Variants in FBXO4 observed in about 807,000 individuals in gnomAD.
FBXO4 encodes the protein F-box only protein 4.
FBXO4 carries 36 observed loss-of-function variants against 43.7 expected under a neutral mutation model. The observed-to-expected ratio is 0.82, with a 90% CI of 0.63 to 1.09. FBXO4 has a LOEUF of 1.09. Ranked by LOEUF, FBXO4 falls within the 50% of genes least tolerant of loss-of-function variation. FBXO4 has a pLI of 0.00. For synonymous variants in FBXO4, 180 were observed against 165.6 expected (o/e 1.09, Z -0.67); for missense variants, 435 against 474.1 (o/e 0.92, Z 0.77).
At chr5:41,997,042 A>T in the FBXO4 span, among the ~76,000 whole-genome samples, 6 of 152,218 alleles carry the variant, frequency 3.9e-5, no homozygotes, top group Non-Finnish European at 8.8e-5. Flanking sequence ...GAGTTGATAA[A>T]CACCTGAGAT....
chr5:42,038,487 T>C, the FBXO4 span, among the ~76,000 whole-genome samples: 1 of 152,100 alleles, frequency 6.6e-6, no homozygotes, highest in Non-Finnish European at 1.5e-5. Context: ...TTATTATGGG[T>C]ACATGATAGT....
chr5:41,943,390 A>G (rs1752032513), downstream of FBXO4, among the ~76,000 whole-genome samples: 1 of 152,132 alleles, frequency 6.6e-6, no homozygotes, highest in Non-Finnish European at 1.5e-5. Context: ...ACATGGCCAC[A>G]AGTAAGTCCC....
the FBXO4 span, among the ~76,000 whole-genome samples, chr5:42,038,430 A>G: frequency 2.0e-5 from 3 of 152,098 alleles, no homozygotes; most frequent in Non-Finnish European, 4.4e-5. Flanking sequence ...CAGCCATTCC[A>G]GGAACTGGTT....
the FBXO4 span, among the ~76,000 whole-genome samples, chr5:42,032,057 C>CTGTGTGTGTGTGTG: frequency 1.0e-4 from 14 of 139,236 alleles, no homozygotes; most frequent in African/African-American, 2.7e-4. Context: ...GTCTTTTTTT[C>CTGTGTGTGTGTGTG]TGTGTGTGTG....
intron 2 of FBXO4, 76 bp from the exon 3 acceptor site, chr5:41,929,621 C>CA: frequency 9.3e-7 from 1 of 1,080,464 alleles, no homozygotes; most frequent in South Asian, 1.6e-5. Flanking sequence ...AGCAAGTACT[C>CA]AATAAATTAT....
chr5:41,973,304 G>A, the FBXO4 span, among the ~76,000 whole-genome samples: 800 of 152,130 alleles, frequency 5.3e-3, 10 homozygotes, highest in African/African-American at 0.019. Context: ...AGCACCCAAC[G>A]CGCATATTTA....
chr5:42,029,410 C>T, the FBXO4 span, among the ~76,000 whole-genome samples: 13 of 151,922 alleles, frequency 8.6e-5, no homozygotes, highest in East Asian at 1.4e-3. Context: ...TTATTAAATT[C>T]GTTGAGGTGG....
chr5:41,930,913 C>T (rs1318145803), intron 3 of FBXO4, among the ~76,000 whole-genome samples: 5 of 152,190 alleles, frequency 3.3e-5, no homozygotes, highest in Non-Finnish European at 7.4e-5. Flanking sequence ...ACCTGGGTCT[C>T]CCAAAGTGCT....
At chr5:41,987,275 ATC>A in the FBXO4 span, among the ~76,000 whole-genome samples, 4 of 152,176 alleles carry the variant, frequency 2.6e-5, no homozygotes, top group Non-Finnish European at 4.4e-5. Context: ...TAATGCAACC[ATC>A]TCTCTTCCGA....
At chr5:42,028,997 A>G in the FBXO4 span, among the ~76,000 whole-genome samples, 2 of 151,954 alleles carry the variant, frequency 1.3e-5, no homozygotes, top group Admixed American at 1.3e-4. Flanking sequence ...TTAGTGTTAT[A>G]ACAGTTTGTG....
the FBXO4 span, among the ~76,000 whole-genome samples, chr5:41,966,335 A>G: frequency 6.6e-6 from 1 of 152,042 alleles, no homozygotes; most frequent in Non-Finnish European, 1.5e-5. Context: ...TAAAAAAAAG[A>G]TACACCAAAG....
At chr5:42,028,948 C>T in the FBXO4 span, among the ~76,000 whole-genome samples, 2,432 of 151,870 alleles carry the variant, frequency 0.016, 121 homozygotes, top group East Asian at 0.1. Context: ...GTTCAATGTT[C>T]AGTCTTTATA....
chr5:42,029,088 T>C, the FBXO4 span, among the ~76,000 whole-genome samples: 1 of 152,006 alleles, frequency 6.6e-6, no homozygotes, highest in Non-Finnish European at 1.5e-5. Flanking sequence ...TTTTCTTTCT[T>C]ATTGAAGTAC....
At chr5:42,017,789 T>TA in the FBXO4 span, among the ~76,000 whole-genome samples, 1 of 152,048 alleles carries the variant, frequency 6.6e-6, no homozygotes, top group Admixed American at 6.6e-5. Context: ...TTTTTTTTTT[T>TA]ATTGCTGCAT....
chr5:41,987,478 C>T, the FBXO4 span, among the ~76,000 whole-genome samples: 1 of 152,184 alleles, frequency 6.6e-6, no homozygotes, highest in South Asian at 2.1e-4. Flanking sequence ...CACTGAAATA[C>T]CTTAGAAATG....
intron 5 of FBXO4, among the ~76,000 whole-genome samples, chr5:41,935,709 G>A (rs915317119): frequency 6.6e-6 from 1 of 152,218 alleles, no homozygotes; most frequent in African/African-American, 2.4e-5. Flanking sequence ...GCCTGAGGCT[G>A]GAATGAGAAA....
At chr5:41,964,819 C>G in the FBXO4 span, among the ~76,000 whole-genome samples, 1 of 151,904 alleles carries the variant, frequency 6.6e-6, no homozygotes, top group Non-Finnish European at 1.5e-5. Context: ...AAAATTTTCT[C>G]CCATTCTGTA....
In FBXO4 at chr5:41,934,132, G is replaced by T. The variant is rs1751779081; in HGVS notation, c.723-1G>T. ...TTCTGTCTTTACAATTTTTTTTCTA[G>T]AAAGGAAAGAGATAGAGCAAGGGAA... On this transcript the variant is annotated splice_acceptor_variant, in intron 4 of 6. Transcript: ENST00000281623. LOFTEE classifies it high-confidence loss of function. 1 of 1,613,364 alleles carries T rather than the reference G, an allele frequency of 6.2e-7. No individual in the cohort carries two copies. Among genetic ancestry groups the T allele is most frequent in the East Asian group, 2.2e-5 (1 of 44,840 alleles).
chr5:42,008,584 G>C, the FBXO4 span, among the ~76,000 whole-genome samples: 5 of 152,122 alleles, frequency 3.3e-5, no homozygotes, highest in Non-Finnish European at 7.3e-5. Context: ...AAGAGTCATA[G>C]GAATCACACC....
Sources: allele counts gnomAD v4.1 joint callset (sites outside exome capture counted in the v4.1 genomes callset), GRCh38; gene constraint gnomAD v4.1.1; transcripts MANE v1.5; gene names NCBI Gene and HGNC (gene_info 2026-07-23, HGNC 2026-07-21).